FAM200B: variants seen among roughly 807,000 people sequenced by gnomAD.
FAM200B encodes the protein protein FAM200B.
FAM200B carries 32 observed loss-of-function variants against 33.1 expected under a neutral mutation model. The observed-to-expected ratio is 0.97, with a 90% CI of 0.73 to 1.30. The LOEUF (loss-of-function observed/expected upper bound fraction) is 1.30, where lower values mean the gene tolerates loss of function less well. Ranked by LOEUF, FAM200B falls within the 50% of genes most tolerant of loss-of-function variation. FAM200B has a pLI of 0.00. For missense variants in FAM200B, 741 were observed against 754.0 expected (o/e 0.98, Z 0.20); for synonymous variants, 240 against 264.8 (o/e 0.91, Z 0.91).
At chr4:15,666,675 C>CA in the FAM200B span, among the ~76,000 whole-genome samples, 4 of 150,970 alleles carry the variant, frequency 2.6e-5, no homozygotes, top group South Asian at 4.2e-4. Flanking sequence ...TACTAAACAT[C>CA]AAAAAAATTA....
the FAM200B span, among the ~76,000 whole-genome samples, chr4:15,645,045 C>T: frequency 6.6e-6 from 1 of 151,850 alleles, no homozygotes; most frequent in Non-Finnish European, 1.5e-5. Flanking sequence ...TACAGGCAGG[C>T]AGAAATTTTA....
At chr4:15,639,669 T>C in the FAM200B span, among the ~76,000 whole-genome samples, 1 of 152,236 alleles carries the variant, frequency 6.6e-6, no homozygotes. Flanking sequence ...CTGGTCAGTC[T>C]AGAAATTCAG....
rs1318702587 is a variant in FAM200B at position 15,688,875 on chromosome 4, C to G, written c.1898C>G (p.Ala633Gly). The G allele has an allele frequency of 1.5e-5, 24 of 1,550,798 alleles. No individual in the cohort carries two copies. The highest frequency in any genetic ancestry group is 2.0e-5 in the Admixed American group (1 of 50,870). ...TKERNGLNCA[A>G]VMRVALSSCV... Reference sequence around the variant, plus strand: ...GAAAGAAATGGGCTGAATTGTGCAGCAGTTATGCGGGTAGCATTATCTTCC... The same window carrying G: ...GAAAGAAATGGGCTGAATTGTGCAGGAGTTATGCGGGTAGCATTATCTTCC... The change falls in exon 2 of 2, where the codon GCA becomes GGA. Residue 633 changes from alanine (A) to glycine (G), a missense_variant. Coordinates refer to ENST00000422728, the MANE Select transcript of FAM200B (RefSeq NM_001145191.2).
chr4:15,672,250 G>C, the FAM200B span, among the ~76,000 whole-genome samples: 1 of 152,214 alleles, frequency 6.6e-6, no homozygotes, highest in Non-Finnish European at 1.5e-5. Flanking sequence ...AATGCTCCGT[G>C]AATGAGGCTT....
At chr4:15,664,630 T>TAC in the FAM200B span, among the ~76,000 whole-genome samples, 6 of 134,136 alleles carry the variant, frequency 4.5e-5, no homozygotes, top group Non-Finnish European at 7.7e-5. Flanking sequence ...CGATCTCAGC[T>TAC]CACTGCAACC....
the FAM200B span, among the ~76,000 whole-genome samples, chr4:15,670,044 T>G: frequency 2.6e-4 from 39 of 152,370 alleles, no homozygotes; most frequent in Middle Eastern, 6.8e-3. Flanking sequence ...ACTTCCTGAC[T>G]CAAGCTTTTA....
chr4:15,656,846 T>G, the FAM200B span, among the ~76,000 whole-genome samples: 1 of 151,966 alleles, frequency 6.6e-6, no homozygotes, highest in Non-Finnish European at 1.5e-5. Flanking sequence ...CTCTATGAGG[T>G]AGTGCTGCAG....
At chr4:15,664,004 AG>A in the FAM200B span, among the ~76,000 whole-genome samples, 6 of 152,202 alleles carry the variant, frequency 3.9e-5, no homozygotes, top group African/African-American at 1.4e-4. Context: ...CTGATTTTTC[AG>A]ATGAAAAACT....
the FAM200B span, among the ~76,000 whole-genome samples, chr4:15,649,578 C>CA: frequency 0.023 from 1,864 of 81,010 alleles, 50 homozygotes; most frequent in African/African-American, 0.067. Context: ...GACTACGTCT[C>CA]AAAAAAAAAA....
intron 1 of FAM200B, among the ~76,000 whole-genome samples, chr4:15,682,869 ATACT>A (rs1300525431): frequency 1.3e-5 from 2 of 152,236 alleles, no homozygotes; most frequent in Non-Finnish European, 2.9e-5. Context: ...AAGAATTTCC[ATACT>A]TTTAGTACTG....
At chr4:15,684,947 C>T (rs1316132218) in intron 1 of FAM200B, 1 of 152,198 alleles carries the variant, frequency 6.6e-6, no homozygotes, top group Non-Finnish European at 1.5e-5. Context: ...CTCCCAGATG[C>T]ACACCTTTTA....
the FAM200B span, chr4:15,656,213 A>G: frequency 4.4e-6 from 2 of 456,212 alleles, no homozygotes; most frequent in South Asian, 3.1e-5. Context: ...TTCGGAGAGA[A>G]AACAAGGTCA....
intron 1 of FAM200B, among the ~76,000 whole-genome samples, chr4:15,684,511 T>C (rs928483052): frequency 1.3e-5 from 2 of 152,174 alleles, no homozygotes; most frequent in Non-Finnish European, 1.5e-5. Context: ...AGGACAAAAT[T>C]GTAGTAGTTT....
chr4:15,656,957 G>A, the FAM200B span, among the ~76,000 whole-genome samples: 1 of 150,000 alleles, frequency 6.7e-6, no homozygotes, highest in African/African-American at 2.4e-5. Context: ...TACCCCCAGA[G>A]TCATTGCATT....
At chr4:15,651,785 C>G in the FAM200B span, among the ~76,000 whole-genome samples, 1 of 152,140 alleles carries the variant, frequency 6.6e-6, no homozygotes, top group African/African-American at 2.4e-5. Flanking sequence ...TTTGGGCACA[C>G]CTTAAGGCCT....
chr4:15,648,654 A>C, the FAM200B span, among the ~76,000 whole-genome samples: 2 of 152,216 alleles, frequency 1.3e-5, no homozygotes. Context: ...CTATATATGG[A>C]ATCTAAAGTA....
At chr4:15,664,017 A>C in the FAM200B span, among the ~76,000 whole-genome samples, 1 of 152,206 alleles carries the variant, frequency 6.6e-6, no homozygotes, top group East Asian at 1.9e-4. Flanking sequence ...TGAAAAACTT[A>C]AAGAAGCTAC....
Position 15,688,934 on chromosome 4 carries a change from C to G in FAM200B, c.1957C>G (p.Gln653Glu), listed in dbSNP as rs1384347677. 6.7e-7 allele frequency: 1 copy of G among 1,493,042 alleles called. No individual in the cohort carries two copies. The highest frequency in any genetic ancestry group is 1.4e-5 in the African/African-American group (1 of 71,184). 92.5% of individuals were successfully genotyped at this position (1,493,042 alleles called of 1,614,324 possible). The change falls in exon 2 of 2, where the codon CAA becomes GAA. Residue 653 changes from glutamine to glutamate, a missense_variant. Transcript: ENST00000422728. The stretch of plus-strand genomic sequence containing the variant: ...AGACTGGAATGAACTTATGAACAGG[C>G]AAGCACACCCATCATAGTAAATAAA... ...VPDWNELMNR[Q>E]AHPS
chr4:15,643,588 G>T, the FAM200B span, among the ~76,000 whole-genome samples: 2 of 152,012 alleles, frequency 1.3e-5, no homozygotes, highest in Non-Finnish European at 2.9e-5. Flanking sequence ...TATATTTTTA[G>T]TAAAGACAGG....
Sources: gnomAD v4.1 joint callset for allele counts (sites outside exome capture counted in the v4.1 genomes callset) on GRCh38, gnomAD v4.1.1 for gene constraint, MANE v1.5 for transcripts, NCBI Gene and HGNC (gene_info 2026-07-23, HGNC 2026-07-21) for gene names.